Variants in SLC39A6 observed in about 807,000 individuals in gnomAD.
The protein encoded by SLC39A6 is solute carrier family 39 member 6, also known as zinc transporter ZIP6.
SLC39A6 carries 51 observed loss-of-function variants against 63.5 expected under a neutral mutation model. That is an observed-to-expected ratio of 0.80 (90% CI 0.64 to 1.01). SLC39A6 has a LOEUF of 1.01. Ranked by LOEUF, SLC39A6 falls within the 50% of genes least tolerant of loss-of-function variation. The probability of loss-of-function intolerance (pLI) is 0.00; values close to 1 mark genes in which losing one functional copy is unlikely to be tolerated. For synonymous variants in SLC39A6, 318 were observed against 324.7 expected (o/e 0.98, Z 0.22); for missense variants, 805 against 927.8 (o/e 0.87, Z 1.72).
In SLC39A6 at chr18:36,116,802, T is replaced by C. The variant is rs779586879; in HGVS notation, c.1360-23A>G. Reference sequence around the variant, plus strand: ...ATTCTAAAATAGTGAGGGAAAACAATACTTTAAAACAGTAATTTGTTTATA... The same window carrying C: ...ATTCTAAAATAGTGAGGGAAAACAACACTTTAAAACAGTAATTTGTTTATA... On this transcript the variant is annotated intron_variant, in intron 5 of 9. Coordinates refer to ENST00000269187, the MANE Select transcript of SLC39A6 (RefSeq NM_012319.4). The C allele has an allele frequency of 1.1e-5, 17 of 1,532,472 alleles. No individual in the cohort carries two copies. The African/African-American group carries it at 1.6e-4, about 15-fold the overall frequency. 94.9% of individuals were successfully genotyped at this position (1,532,472 alleles called of 1,614,324 possible).
Position 36,109,553 on chromosome 18 carries a change from T to C in SLC39A6, c.*40A>G, listed in dbSNP as rs2089284354. 6.5e-7 allele frequency: 1 copy of C among 1,539,078 alleles called. No individual in the cohort carries two copies. Among genetic ancestry groups the C allele is most frequent in the East Asian group, 2.3e-5 (1 of 44,408 alleles). Reference sequence around the variant, plus strand: ...TCATCTCCCTATGACCTACTGAAACTATGACAACTTTTTAAGCTACTCTAG... The same window carrying C: ...TCATCTCCCTATGACCTACTGAAACCATGACAACTTTTTAAGCTACTCTAG... On this transcript the variant is annotated 3_prime_UTR_variant, in exon 10 of 10. Coordinates refer to ENST00000269187, the MANE Select transcript of SLC39A6 (RefSeq NM_012319.4).
chr18:36,114,914 T>C (rs1189838345), intron 6 of SLC39A6, among the ~76,000 whole-genome samples: 1 of 152,234 alleles, frequency 6.6e-6, no homozygotes, highest in Non-Finnish European at 1.5e-5. Flanking sequence ...TGACTTCCTC[T>C]TTTTTGGAAG....
chr18:36,126,584 G>A lies in SLC39A6; in HGVS notation c.424C>T (p.Arg142Ter), dbSNP rs753468777. 9 of 1,613,970 alleles carry A rather than the reference G, an allele frequency of 5.6e-6. No individual in the cohort carries two copies. The highest frequency in any genetic ancestry group is 1.3e-5 in the African/African-American group (1 of 74,886). ...TCATGGTCTGGGCAAAGAGCTTTTC[G>A]CTTATTTTTACCAGAAGCAGCATGA... ...HNHAASGKNK[R>*]KALCPDHDSD... Residue 142 changes from arginine to a stop codon, truncating the protein, a stop_gained, in exon 2 of 10, where the codon CGA (arginine) becomes TGA (stop). Coordinates refer to ENST00000269187, the MANE Select transcript of SLC39A6 (RefSeq NM_012319.4). LOFTEE classifies it high-confidence loss of function.
intron 1 of SLC39A6, among the ~76,000 whole-genome samples, chr18:36,128,375 C>T (rs2089466766): frequency 6.6e-6 from 1 of 152,112 alleles, no homozygotes; most frequent in Non-Finnish European, 1.5e-5. Context: ...TCTAAAATAC[C>T]GGTAAAACCT....
intron 7 of SLC39A6, among the ~76,000 whole-genome samples, chr18:36,113,048 A>C (rs1250324258): frequency 3.9e-5 from 6 of 152,154 alleles, no homozygotes; most frequent in Non-Finnish European, 7.3e-5. Flanking sequence ...CCTTTTAAAA[A>C]TCTGACATAT....
At position 36,114,434 on chromosome 18, in the gene SLC39A6, G is replaced by A. The variant is rs766518215; in HGVS notation, c.1506C>T (p.Ser502=). 1.9e-6 allele frequency: 3 copies of A among 1,613,930 alleles called. No homozygotes were observed. The highest frequency in any genetic ancestry group is 2.5e-6 in the Non-Finnish European group (3 of 1,179,998). The part of the protein sequence containing the change: ...GYLRADSQEP[S]HFDSQQPAVL... ...CTGCAGGCTGCTGAGAATCAAAGTG[G>A]GAGGGCTCTTGTGAGTCTGCTCGTA... The change falls in exon 7 of 10, where the codon TCC becomes TCT. Residue 502 remains serine (S), a synonymous_variant. Coordinates refer to ENST00000269187, the MANE Select transcript of SLC39A6 (RefSeq NM_012319.4).
chr18:36,120,803 A>C (rs2089387495), intron 5 of SLC39A6, among the ~76,000 whole-genome samples: 1 of 152,142 alleles, frequency 6.6e-6, no homozygotes. Context: ...GGGGATACTT[A>C]ATTCCGTGAA....
chr18:36,116,006 C>T (rs946658864), intron 6 of SLC39A6, among the ~76,000 whole-genome samples: 1 of 152,118 alleles, frequency 6.6e-6, no homozygotes, highest in Non-Finnish European at 1.5e-5. Flanking sequence ...ACTGATCAAC[C>T]TAATCATGCA....
rs1274904793 is a variant in SLC39A6 at position 36,108,778 on chromosome 18, G to C, written c.*815C>G. The C allele has an allele frequency of 9.2e-5, 14 of 152,134 alleles. No individual in the cohort carries two copies. Among genetic ancestry groups the C allele is most frequent in the Admixed American group, 9.2e-4 (14 of 15,278 alleles). 9.4% of individuals were successfully genotyped at this position (152,134 alleles called of 1,614,324 possible). On this transcript the variant is annotated 3_prime_UTR_variant, in exon 10 of 10. Transcript: ENST00000269187. ...GTAAACCAGGTAACCAGAACATCCA[G>C]TCATACAGCTTTTGGTGATATATAA...
In SLC39A6 at chr18:36,126,874, T is replaced by A. The variant is rs759113978; in HGVS notation, c.134A>T (p.Asn45Ile). The A allele has an allele frequency of 4.3e-6, 7 of 1,614,230 alleles. No homozygotes were observed. The highest frequency in any genetic ancestry group is 5.9e-6 in the Non-Finnish European group (7 of 1,180,042). Residue 45 changes from asparagine to isoleucine, a missense_variant, in exon 2 of 10, where the codon AAT (asparagine) becomes ATT (isoleucine). Transcript: ENST00000269187. ...CCGTGTGGAAATTGCCAAGTCAACA[T>A]TAATGCCAGATTCCCAATTCGGACT... ...KISPNWESGI[N>I]VDLAISTRQY...
chr18:36,125,365 AC>A (rs1336293403), intron 2 of SLC39A6, among the ~76,000 whole-genome samples: 21 of 145,362 alleles, frequency 1.4e-4, no homozygotes, highest in East Asian at 4.0e-4. Flanking sequence ...AAAAAAAAAA[AC>A]AACAAAAAAA....
Position 36,126,938 on chromosome 18 carries a change from G to A in SLC39A6, c.70C>T (p.Leu24=), listed in dbSNP as rs373047202. The A allele has an allele frequency of 1.2e-6, 2 of 1,614,048 alleles. No individual in the cohort carries two copies. Among genetic ancestry groups the A allele is most frequent in the African/African-American group, 2.7e-5 (2 of 74,922 alleles). Residue 24 remains leucine, a synonymous_variant, in exon 2 of 10, where the codon CTA becomes TTA. Coordinates refer to ENST00000269187, the MANE Select transcript of SLC39A6 (RefSeq NM_012319.4). ...ALSVTNPLHE[L]KAAAFPQTTE... is the part of the protein sequence containing the mutation. ...GTCTGGGGGAAAGCAGCTGCTTTTA[G>A]TTCATGAAGGGGATTTGTGACAGAG...
At chr18:36,121,929 G>GT (rs1355236202) in intron 5 of SLC39A6, 123 bp downstream of exon 5, 2 of 674,196 alleles carry the variant, frequency 3.0e-6, no homozygotes, top group African/African-American at 3.6e-5. Flanking sequence ...TACTTCAAGG[G>GT]TACTGAACTC....
chr18:36,115,179 C>T (rs1452316471), intron 6 of SLC39A6, among the ~76,000 whole-genome samples: 2 of 152,096 alleles, frequency 1.3e-5, no homozygotes, highest in South Asian at 2.1e-4. Flanking sequence ...TGGTGGCTCA[C>T]GCCTGTAATC....
chr18:36,122,379 A>G (rs563585092), intron 4 of SLC39A6, 109 bp from the exon 5 acceptor site: 1 of 782,844 alleles, frequency 1.3e-6, no homozygotes. Flanking sequence ...GCAATTATTC[A>G]GATACTTCAG....
rs199550071 is a variant in SLC39A6 at position 36,114,372 on chromosome 18, T to C, written c.1568A>G (p.His523Arg). Residue 523 changes from histidine to arginine, a missense_variant, in exon 7 of 10, where the codon CAT becomes CGT. Transcript: ENST00000269187. Reference sequence around the variant, plus strand: ...ATATTCATTGTAGACTTCCTGTGGATGAGCATGAGCTATCATGACCTCTTC... The same window carrying C: ...ATATTCATTGTAGACTTCCTGTGGACGAGCATGAGCTATCATGACCTCTTC... ...EEEEVMIAHA[H>R]PQEVYNEYVP... 5.8e-5 allele frequency: 94 copies of C among 1,614,256 alleles called. No individual in the cohort carries two copies. The highest frequency in any genetic ancestry group is 1.6e-4 in the Middle Eastern group (1 of 6,062).
Position 36,109,006 on chromosome 18 carries a change from G to A in SLC39A6, c.*587C>T, listed in dbSNP as rs552920651. 7 of 152,026 alleles carry A rather than the reference G, an allele frequency of 4.6e-5. No homozygotes were observed. Among genetic ancestry groups the A allele is most frequent in the South Asian group, 2.1e-4 (1 of 4,820 alleles). The allele number at this position is 152,026 out of a possible 1,614,324, so 9.4% of individuals were successfully genotyped here. ...TGAAAAGTGCTCACTACGTTTTTACGGGAAATAATCCTGACAAAAATGTTT... is the reference window on the plus strand; with the variant it reads ...TGAAAAGTGCTCACTACGTTTTTACAGGAAATAATCCTGACAAAAATGTTT... On this transcript the variant is annotated 3_prime_UTR_variant, in exon 10 of 10. Coordinates refer to ENST00000269187, the MANE Select transcript of SLC39A6 (RefSeq NM_012319.4).
intron 1 of SLC39A6, among the ~76,000 whole-genome samples, chr18:36,127,448 C>G (rs192169862): frequency 6.6e-6 from 1 of 151,688 alleles, no homozygotes; most frequent in Non-Finnish European, 1.5e-5. Context: ...CTGAGGCAGG[C>G]AGATCACCTG....
intron 1 of SLC39A6, among the ~76,000 whole-genome samples, chr18:36,128,310 C>T (rs377609598): frequency 1.3e-5 from 2 of 152,316 alleles, no homozygotes; most frequent in South Asian, 2.1e-4. Flanking sequence ...TGGGGCTATC[C>T]AGCTCTACCA....
Sources: allele counts gnomAD v4.1 joint callset (sites outside exome capture counted in the v4.1 genomes callset), GRCh38; gene constraint gnomAD v4.1.1; transcripts MANE v1.5; gene names NCBI Gene and HGNC (gene_info 2026-07-23, HGNC 2026-07-21).